Variants in SLC6A12 observed in about 807,000 individuals in gnomAD.
SLC6A12 encodes solute carrier family 6 member 12, also known as sodium- and chloride-dependent betaine transporter.
In SLC6A12, 50 loss-of-function variants were observed where a neutral mutation model predicts 73.3. The ratio of observed to expected loss-of-function variants is 0.68; its 90% confidence interval spans 0.54 to 0.86. The LOEUF is 0.86. Ranked by LOEUF, SLC6A12 falls within the 40% of genes least tolerant of loss-of-function variation. The pLI, the probability that SLC6A12 is intolerant of heterozygous loss-of-function variation, is 0.00. For synonymous variants in SLC6A12, 304 were observed against 309.2 expected, an observed-to-expected ratio of 0.98 and a Z score of 0.18; for missense variants, 648 against 772.8, an observed-to-expected ratio of 0.84 and a Z score of 1.92.
chr12:187,569 C>CAAG (rs1275502843), downstream of SLC6A12, among the ~76,000 whole-genome samples: 6 of 122,776 alleles, frequency 4.9e-5, no homozygotes, highest in African/African-American at 2.1e-4. Context: ...TGAGCAGCAG[C>CAAG]AAGATTTACT....
Position 198,998 on chromosome 12 carries a change from A to G in SLC6A12, c.712-67T>C. On this transcript the variant is annotated intron_variant, in intron 7 of 15. Transcript: ENST00000684302. The surrounding 1 kb of genome is among the most constrained non-coding windows in gnomAD (Gnocchi z 4.0). ...CGCAGTGGCCCTCCAGCCACGCCCCACAGGCAGCTCGAGTCACACGGAGCT... is the reference window on the plus strand; with the variant it reads ...CGCAGTGGCCCTCCAGCCACGCCCCGCAGGCAGCTCGAGTCACACGGAGCT... The G allele has an allele frequency of 6.4e-7, 1 of 1,552,818 alleles. No homozygotes were observed. Among genetic ancestry groups the G allele is most frequent in the Non-Finnish European group, 8.9e-7 (1 of 1,128,636 alleles).
At chr12:186,254 G>A (rs531313944), downstream of SLC6A12, among the ~76,000 whole-genome samples, 2 of 152,166 alleles carry the variant, frequency 1.3e-5, no homozygotes, top group African/African-American at 2.4e-5. Flanking sequence ...GCACGCTAAA[G>A]CTCAGCTGTC....
chr12:199,533 G>A (rs974169625), intron 7 of SLC6A12, among the ~76,000 whole-genome samples: 8 of 151,540 alleles, frequency 5.3e-5, no homozygotes, highest in Admixed American at 3.9e-4. Context: ...CTGCCACTAA[G>A]CAAACTCAGC....
chr12:191,151 A>G lies in SLC6A12; in HGVS notation c.1762T>C (p.Leu588=), dbSNP rs368431456. 4 of 1,332,192 alleles carry G rather than the reference A, an allele frequency of 3.0e-6. No homozygotes were observed. In the African/African-American group the frequency reaches 6.0e-5, roughly 20 times the overall value. 82.5% of individuals were successfully genotyped at this position (1,332,192 alleles called of 1,614,324 possible). A position where few individuals can be genotyped will look rare whatever the true frequency, so the allele number is the denominator to read the frequency against. ...SLPQPKQHPC[L]DGSAGRNFGP... The stretch of plus-strand genomic sequence containing the variant: ...AAGTTCCGGCCAGCACTGCCATCCA[A>G]GCAGGGATGTTGCTTGGGCTGTGGC... Residue 588 remains leucine (L), a synonymous_variant, in exon 16 of 16, where the codon TTG becomes CTG. Coordinates refer to ENST00000684302, the MANE Select transcript of SLC6A12 (RefSeq NM_001122848.3).
intron 7 of SLC6A12, 86 bp from the exon 8 acceptor site, chr12:199,017 C>A: frequency 1.4e-6 from 2 of 1,400,176 alleles, no homozygotes; most frequent in East Asian, 2.3e-5. Flanking sequence ...TCGAGTCACA[C>A]GGAGCTCAGT....
chr12:209,827 T>G lies in SLC6A12; in HGVS notation c.160A>C (p.Ile54Leu), dbSNP rs1940829206. ...AACCTCCAGACATTGCCCAGCCCAA[T>G]GATCTCCCCGGCCACTGACAGCACA... is the stretch of plus-strand genomic sequence containing the variant. Reference protein sequence around the residue: ...EFVLSVAGEIIGLGNVWRFPY... With the variant: ...EFVLSVAGEILGLGNVWRFPY... Residue 54 changes from isoleucine (I) to leucine (L), a missense_variant, in exon 3 of 16, where the codon ATT becomes CTT. By Grantham distance (5) the Ile-to-Leu change is conservative. Coordinates refer to ENST00000684302, the MANE Select transcript of SLC6A12 (RefSeq NM_001122848.3). 1 of 1,614,060 alleles carries G rather than the reference T, an allele frequency of 6.2e-7. No individual in the cohort carries two copies. Among genetic ancestry groups the G allele is most frequent in the Non-Finnish European group, 8.5e-7 (1 of 1,180,028 alleles).
At position 202,868 on chromosome 12, in the gene SLC6A12, G is replaced by T. The variant is rs964150684; in HGVS notation, c.362C>A (p.Ala121Glu). 1 of 1,613,738 alleles carries T rather than the reference G, an allele frequency of 6.2e-7. No individual in the cohort carries two copies. The highest frequency in any genetic ancestry group is 1.3e-5 in the African/African-American group (1 of 74,862). The change falls in exon 5 of 16, where the codon GCA becomes GAA. Residue 121 changes from alanine (A) to glutamate (E), a missense_variant. By Grantham distance (107) the Ala-to-Glu change is moderately radical. Transcript: ENST00000684302. ...CAAATATGACTCGATGACCACAGAT[G>T]CCAGACCAATGCCTTCCAGAGTGGG... ...ICPLFQGIGL[A>E]SVVIESYLNV...
chr12:203,059 C>CTTTTTTTTTTTTTTTT (rs10582500), intron 4 of SLC6A12, among the ~76,000 whole-genome samples, 179 bp from the exon 5 acceptor site: 114 of 68,332 alleles, frequency 1.7e-3, no homozygotes, highest in Non-Finnish European at 2.1e-3. Flanking sequence ...TTTTTCTTTT[C>CTTTTTTTTTTTTTTTT]TTTTTTTTTT....
At chr12:207,928 ATCTC>A (rs1003563281) in intron 3 of SLC6A12, among the ~76,000 whole-genome samples, 1 of 151,932 alleles carries the variant, frequency 6.6e-6, no homozygotes, top group Non-Finnish European at 1.5e-5. Context: ...GCGGGTACTC[ATCTC>A]TCTCTCTCCA....
chr12:210,343 G>A, intron 2 of SLC6A12: 2 of 1,143,302 alleles, frequency 1.7e-6, no homozygotes, highest in East Asian at 6.5e-5. Context: ...TATCTGTACA[G>A]CTCGCCACCA....
intron 3 of SLC6A12, among the ~76,000 whole-genome samples, chr12:209,330 G>A (rs1940807117): frequency 1.3e-5 from 2 of 152,096 alleles, no homozygotes; most frequent in Admixed American, 6.6e-5. Context: ...ACGCGGAACC[G>A]TTTGTCCGCA....
intron 3 of SLC6A12, among the ~76,000 whole-genome samples, chr12:205,979 G>A (rs1405131586): frequency 1.3e-5 from 2 of 152,100 alleles, no homozygotes; most frequent in African/African-American, 2.4e-5. Context: ...CCACATCCTC[G>A]TGCACTTGTC....
chr12:193,450 C>T (rs1431301635), intron 13 of SLC6A12, 73 bp from the exon 14 acceptor site: 1 of 1,201,876 alleles, frequency 8.3e-7, no homozygotes, highest in Admixed American at 1.8e-5. Flanking sequence ...GGGAAAGACC[C>T]ACTTGGCTCT....
At chr12:187,589 C>CAAAAGAGCAAA (rs1939453849), downstream of SLC6A12, among the ~76,000 whole-genome samples, 3 of 106,068 alleles carry the variant, frequency 2.8e-5, no homozygotes, top group African/African-American at 1.6e-4. Context: ...TGCAAAAGAG[C>CAAAAGAGCAAA]AAAAAAAAAA....
downstream of SLC6A12, among the ~76,000 whole-genome samples, chr12:187,673 A>C (rs902144960): frequency 7.1e-6 from 1 of 141,642 alleles, no homozygotes; most frequent in African/African-American, 2.7e-5. Flanking sequence ...ACGCGACCCC[A>C]GCGGGTTACC....
At position 198,958 on chromosome 12, in the gene SLC6A12, C is replaced by T. The variant is rs765957466; in HGVS notation, c.712-27G>A. ...TGGAGGTGGGGGGACAGGCCAAGGTCACTCCTGGTGGGGACGCAGTGGCCC... is the reference window on the plus strand; with the variant it reads ...TGGAGGTGGGGGGACAGGCCAAGGTTACTCCTGGTGGGGACGCAGTGGCCC... On this transcript the variant is annotated intron_variant, in intron 7 of 15. Transcript: ENST00000684302. The surrounding 1 kb of genome is among the most constrained non-coding windows in gnomAD (Gnocchi z 4.0). 5.6e-6 allele frequency: 9 copies of T among 1,613,194 alleles called. No individual in the cohort carries two copies. The African/African-American group carries it at 1.1e-4, about 19-fold the overall frequency.
At chr12:199,783 A>T (rs1254102136) in intron 7 of SLC6A12, 1 of 152,122 alleles carries the variant, frequency 6.6e-6, no homozygotes, top group Non-Finnish European at 1.5e-5. Context: ...AATTCTGTCT[A>T]TGTGACAAGC....
chr12:187,540 G>A (rs1441446861), downstream of SLC6A12, among the ~76,000 whole-genome samples: 4 of 131,334 alleles, frequency 3.0e-5, no homozygotes, highest in South Asian at 2.6e-4. Context: ...CCTCATAAAG[G>A]CAGAGTAGAC....
the SLC6A12 span, among the ~76,000 whole-genome samples, chr12:184,642 C>G: frequency 1.3e-5 from 2 of 151,978 alleles, no homozygotes; most frequent in African/African-American, 2.4e-5. Flanking sequence ...CCCAGCTACT[C>G]GGGAGGCTGA....
Sources: allele counts gnomAD v4.1 joint callset (sites outside exome capture counted in the v4.1 genomes callset), GRCh38; gene constraint gnomAD v4.1.1; non-coding constraint Gnocchi (gnomAD v3.1); transcripts MANE v1.5; gene names NCBI Gene and HGNC (gene_info 2026-07-23, HGNC 2026-07-21).